The following TTC28 variants were observed in gnomAD, a reference collection of about 807,000 sequenced individuals.
TTC28 encodes the protein tetratricopeptide repeat protein 28.
In TTC28, 61 loss-of-function variants were observed where a neutral mutation model predicts 198.0. That is an observed-to-expected ratio of 0.31 (90% CI 0.25 to 0.38). The LOEUF (loss-of-function observed/expected upper bound fraction) is 0.38, where lower values mean the gene tolerates loss of function less well. TTC28 is among the 10% of genes least tolerant of loss of function. TTC28 has a pLI of 1.00. For synonymous variants in TTC28, 1,171 were observed against 1,297.8 expected (o/e 0.90, Z 2.10); for missense variants, 2,678 against 3,164.0 (o/e 0.85, Z 3.69).
rs190658522 is a variant in TTC28 at position 28,379,991 on chromosome 22, G to A, written c.382-73348C>T. ...ATCCACGGGAAAACTAGAGAAATTT[G>A]TACGGGCTACAATTTAGTCAATAAT... On this transcript the variant is annotated intron_variant, in intron 2 of 22. Coordinates refer to ENST00000397906, the MANE Select transcript of TTC28 (RefSeq NM_001145418.2). Among the ~76,000 whole-genome samples the A allele has an allele frequency of 1.1e-3, 163 of 151,710 alleles. 1 individual carries two copies. The highest frequency in any genetic ancestry group is 1.9e-3 in the Non-Finnish European group (132 of 67,776).
At chr22:28,337,529 T>C (rs970013323) in intron 2 of TTC28, among the ~76,000 whole-genome samples, 2 of 152,240 alleles carry the variant, frequency 1.3e-5, no homozygotes, top group African/African-American at 2.4e-5. Context: ...AGCTTCTGTA[T>C]TGGGTGCATA....
chr22:28,526,826 G>A (rs1432623605), intron 2 of TTC28, among the ~76,000 whole-genome samples: 2 of 151,666 alleles, frequency 1.3e-5, no homozygotes, highest in Non-Finnish European at 1.5e-5. Context: ...GTACCACCTC[G>A]GCTCACTGCA....
At chr22:28,253,160 C>G (rs2147278449) in intron 5 of TTC28, among the ~76,000 whole-genome samples, 1 of 152,168 alleles carries the variant, frequency 6.6e-6, no homozygotes, top group African/African-American at 2.4e-5. Context: ...AAATAAAAAG[C>G]AATCATATAA....
chr22:27,990,221 TG>T (rs1336851406), intron 20 of TTC28: 6 of 589,654 alleles, frequency 1.0e-5, no homozygotes, highest in Non-Finnish European at 1.3e-5. Flanking sequence ...CAAGAGGCTG[TG>T]TGGCCTCCTG....
At chr22:28,536,395 C>T (rs1379136207) in intron 2 of TTC28, among the ~76,000 whole-genome samples, 2 of 151,618 alleles carry the variant, frequency 1.3e-5, no homozygotes, top group Non-Finnish European at 1.5e-5. Context: ...GAGGCCGAGG[C>T]GGGCGGATCA....
At chr22:28,251,746 T>G (rs1435590363) in intron 5 of TTC28, among the ~76,000 whole-genome samples, 1 of 152,218 alleles carries the variant, frequency 6.6e-6, no homozygotes, top group African/African-American at 2.4e-5. Flanking sequence ...AGAAAATGTA[T>G]GTTTTGAAAC....
chr22:28,524,960 C>A (rs2048979123), intron 2 of TTC28, among the ~76,000 whole-genome samples: 1 of 151,994 alleles, frequency 6.6e-6, no homozygotes, highest in Admixed American at 6.6e-5. Flanking sequence ...ATGAATTATT[C>A]AAAATCATAT....
chr22:28,313,576 G>A (rs554935565), intron 2 of TTC28, among the ~76,000 whole-genome samples: 44 of 152,272 alleles, frequency 2.9e-4, no homozygotes, highest in African/African-American at 7.9e-4. Flanking sequence ...ATCAATAAAC[G>A]TAATCCATCA....
chr22:28,338,764 C>T (rs1383494406), intron 2 of TTC28, among the ~76,000 whole-genome samples: 3 of 152,182 alleles, frequency 2.0e-5, no homozygotes, highest in African/African-American at 7.2e-5. Flanking sequence ...AGGTTTTTAA[C>T]TTCTTTGCCA....
intron 13 of TTC28, among the ~76,000 whole-genome samples, chr22:28,025,645 A>G: frequency 6.6e-6 from 1 of 152,236 alleles, no homozygotes; most frequent in Non-Finnish European, 1.5e-5. Flanking sequence ...TTGGGAGGCC[A>G]AGATGAGAGG....
chr22:28,283,356 C>G (rs1404247581), intron 5 of TTC28, among the ~76,000 whole-genome samples: 2 of 151,612 alleles, frequency 1.3e-5, no homozygotes, highest in East Asian at 1.9e-4. Flanking sequence ...ACACCACAAG[C>G]CTTTGCATGG....
chr22:28,240,611 C>A (rs1187350205), intron 5 of TTC28, among the ~76,000 whole-genome samples: 1 of 152,004 alleles, frequency 6.6e-6, no homozygotes, highest in Non-Finnish European at 1.5e-5. Flanking sequence ...AACATTGATA[C>A]CTCATTAGAA....
intron 5 of TTC28, among the ~76,000 whole-genome samples, chr22:28,190,172 C>A (rs1924604282): frequency 6.6e-6 from 1 of 152,190 alleles, no homozygotes; most frequent in African/African-American, 2.4e-5. Context: ...CTGCAGTGTG[C>A]ATTCTAATAA....
chr22:28,646,140 C>T (rs1288079875), intron 1 of TTC28, among the ~76,000 whole-genome samples: 1 of 152,012 alleles, frequency 6.6e-6, no homozygotes, highest in Non-Finnish European at 1.5e-5. Flanking sequence ...CTGTCTCTGC[C>T]GATGATATGA....
chr22:27,991,374 C>T (rs1361437600), intron 19 of TTC28, among the ~76,000 whole-genome samples: 1 of 152,142 alleles, frequency 6.6e-6, no homozygotes, highest in Non-Finnish European at 1.5e-5. Context: ...CTTTAATATG[C>T]AGTGTTCTGG....
chr22:28,284,072 C>T (rs1335139840), intron 5 of TTC28, among the ~76,000 whole-genome samples: 1 of 152,116 alleles, frequency 6.6e-6, no homozygotes, highest in Non-Finnish European at 1.5e-5. Flanking sequence ...AACCAACAGG[C>T]ATTTATCATG....
At chr22:28,130,087 C>A (rs1402766713) in intron 6 of TTC28, among the ~76,000 whole-genome samples, 3 of 152,150 alleles carry the variant, frequency 2.0e-5, no homozygotes. Flanking sequence ...GACTTTATAG[C>A]AAGCTTAAAA....
chr22:27,982,255 G>C lies in TTC28; in HGVS notation c.7412C>G (p.Ser2471Cys). Residue 2471 changes from serine (S) to cysteine (C), a missense_variant, in exon 23 of 23, where the codon TCT becomes TGT. Coordinates refer to ENST00000397906, the MANE Select transcript of TTC28 (RefSeq NM_001145418.2). This position sits in a 1 kb window ranked among gnomAD's most constrained non-coding sequence, Gnocchi z 5.2. ...LPSGNGYKFLSPGRFFPSSKC is the reference protein window; with the variant it reads ...LPSGNGYKFLCPGRFFPSSKC Reference sequence around the variant, plus strand: ...GGAAGAAGGGAAAAATCTTCCTGGAGACAGGAACTTGTAGCCATTTCCAGA... The same window carrying C: ...GGAAGAAGGGAAAAATCTTCCTGGACACAGGAACTTGTAGCCATTTCCAGA... 6.8e-7 allele frequency: 1 copy of C among 1,469,690 alleles called. No individual in the cohort carries two copies. Among genetic ancestry groups the C allele is most frequent in the Non-Finnish European group, 9.0e-7 (1 of 1,110,080 alleles). 91.0% of individuals were successfully genotyped at this position (1,469,690 alleles called of 1,614,324 possible).
At chr22:28,242,729 A>G (rs1929747827) in intron 5 of TTC28, among the ~76,000 whole-genome samples, 1 of 152,118 alleles carries the variant, frequency 6.6e-6, no homozygotes, top group Admixed American at 6.5e-5. Flanking sequence ...TTTTCCATTA[A>G]CCAACTAATT....
Sources: gnomAD v4.1 joint callset for allele counts (sites outside exome capture counted in the v4.1 genomes callset) on GRCh38, gnomAD v4.1.1 for gene constraint, Gnocchi (gnomAD v3.1) non-coding constraint, MANE v1.5 for transcripts, NCBI Gene and HGNC (gene_info 2026-07-23, HGNC 2026-07-21) for gene names.